The following KCTD1 variants were observed in gnomAD, a reference collection of about 807,000 sequenced individuals.
KCTD1 encodes the protein potassium channel tetramerization domain containing 1, also known as BTB/POZ domain-containing protein KCTD1.
In KCTD1, 24 loss-of-function variants were observed where a neutral mutation model predicts 66.0. That is an observed-to-expected ratio of 0.36 (90% CI 0.26 to 0.51). The LOEUF is 0.51. Among genes scored for constraint, KCTD1 ranks in the 20% least tolerant of loss-of-function variants. KCTD1 has a pLI of 0.95. For synonymous variants in KCTD1, 511 were observed against 517.2 expected, an observed-to-expected ratio of 0.99 and a Z score of 0.16; for missense variants, 943 against 1,205.2, an observed-to-expected ratio of 0.78 and a Z score of 3.22.
intron 2 of KCTD1, among the ~76,000 whole-genome samples, chr18:26,486,218 A>C (rs75689105): frequency 0.031 from 4,686 of 152,266 alleles, 113 homozygotes; most frequent in Middle Eastern, 0.071. Flanking sequence ...GCCCTGATTT[A>C]ATCTTATTGC....
chr18:26,549,050 G>C, upstream of KCTD1: 1 of 985,184 alleles, frequency 1.0e-6, no homozygotes, highest in Non-Finnish European at 1.2e-6. Flanking sequence ...CGGCTGCGCC[G>C]GGCGGGCCGC....
chr18:26,488,608 C>T (rs1339837484), intron 2 of KCTD1, among the ~76,000 whole-genome samples: 1 of 152,174 alleles, frequency 6.6e-6, no homozygotes, highest in African/African-American at 2.4e-5. Context: ...CTCAAATTCA[C>T]CCTTCAGCTA....
chr18:26,536,178 G>T (rs1197365249), intron 1 of KCTD1, among the ~76,000 whole-genome samples: 1 of 152,108 alleles, frequency 6.6e-6, no homozygotes, highest in Non-Finnish European at 1.5e-5. Flanking sequence ...ATGAAACCAC[G>T]CTGGGCTCCA....
At chr18:26,473,438 T>A (rs1981175151) in intron 3 of KCTD1, among the ~76,000 whole-genome samples, 1 of 151,978 alleles carries the variant, frequency 6.6e-6, no homozygotes, top group Non-Finnish European at 1.5e-5. Context: ...AGCATTAGGA[T>A]AAATAACTAA....
intron 3 of KCTD1, among the ~76,000 whole-genome samples, chr18:26,470,405 C>T (rs80239114): frequency 0.019 from 2,930 of 152,294 alleles, 44 homozygotes; most frequent in Non-Finnish European, 0.031. Flanking sequence ...AGCTGTCTGT[C>T]CCTTTATCCT....
upstream of KCTD1, chr18:26,548,841 A>C: frequency 9.7e-7 from 1 of 1,028,410 alleles, no homozygotes; most frequent in Non-Finnish European, 1.2e-6. Context: ...GGAAAAAAAA[A>C]AGGAAAGGGA....
intron 1 of KCTD1, chr18:26,566,830 T>TAAAAAAAAAAAAAAAA (rs56100093): frequency 8.7e-6 from 1 of 114,378 alleles, no homozygotes; most frequent in Non-Finnish European, 1.7e-5. Flanking sequence ...AGGCAAGATC[T>TAAAAAAAAAAAAAAAA]AAAAAAAAAA....
At chr18:26,581,009 G>A (rs1986340680) in intron 1 of KCTD1, among the ~76,000 whole-genome samples, 1 of 152,188 alleles carries the variant, frequency 6.6e-6, no homozygotes, top group South Asian at 2.1e-4. Context: ...ATAAGACAAA[G>A]TCTGTTGACC....
intron 1 of KCTD1, among the ~76,000 whole-genome samples, chr18:26,625,254 T>C (rs149841276): frequency 2.6e-5 from 4 of 152,128 alleles, no homozygotes; most frequent in Admixed American, 1.3e-4. Context: ...CGATTGTGTT[T>C]TGAAATGTAA....
At chr18:26,478,433 T>C (rs1981459067) in intron 2 of KCTD1, among the ~76,000 whole-genome samples, 1 of 152,162 alleles carries the variant, frequency 6.6e-6, no homozygotes, top group South Asian at 2.1e-4. Context: ...TGGTCTAGAG[T>C]TTTATTTCTG....
At chr18:26,523,133 G>A (rs1446526888) in intron 1 of KCTD1, among the ~76,000 whole-genome samples, 1 of 152,086 alleles carries the variant, frequency 6.6e-6, no homozygotes, top group Non-Finnish European at 1.5e-5. Context: ...ATGAGAAACC[G>A]TGGCGCTAGA....
intron 1 of KCTD1, among the ~76,000 whole-genome samples, chr18:26,638,604 T>G (rs1364722624): frequency 1.3e-5 from 2 of 152,206 alleles, no homozygotes; most frequent in Non-Finnish European, 2.9e-5. Context: ...TTCGTATTGG[T>G]CACAGAGGCT....
intron 1 of KCTD1, among the ~76,000 whole-genome samples, chr18:26,656,751 G>GGCGCCGCCGCCCCCTGC (rs1568023279): frequency 6.6e-6 from 1 of 151,198 alleles, no homozygotes; most frequent in African/African-American, 2.4e-5. Flanking sequence ...CGCAGCCCCG[G>GGCGCCGCCGCCCCCTGC]GCGCCGCCGC....
At chr18:26,494,780 C>T (rs1982382744) in intron 2 of KCTD1, among the ~76,000 whole-genome samples, 1 of 152,256 alleles carries the variant, frequency 6.6e-6, no homozygotes, top group Non-Finnish European at 1.5e-5. Context: ...TGCTTTCCCC[C>T]CTTTTAAGTT....
chr18:26,565,618 A>G (rs1267697986), intron 1 of KCTD1: 2 of 152,002 alleles, frequency 1.3e-5, no homozygotes, highest in South Asian at 2.1e-4. Flanking sequence ...ACTTTTCTGG[A>G]TGAATTAGAC....
At chr18:26,564,270 G>A (rs1201167721) in intron 1 of KCTD1, among the ~76,000 whole-genome samples, 1 of 152,132 alleles carries the variant, frequency 6.6e-6, no homozygotes, top group Non-Finnish European at 1.5e-5. Flanking sequence ...GTGTAAGCTT[G>A]AGCAAGTCAC....
intron 1 of KCTD1, chr18:26,544,189 C>T (rs937920984): frequency 4.6e-5 from 7 of 152,130 alleles, no homozygotes; most frequent in African/African-American, 1.4e-4. Context: ...AAAGAGTGGA[C>T]CAGTTAAAGC....
chr18:26,455,100 A>G lies in KCTD1; in HGVS notation c.*643T>C, dbSNP rs951553777. ...TTCTGGCCCCTTGGCAAAACTGATCAGTTTTAAAACAAAGTAAAGTTCACA... is the reference window on the plus strand; with the variant it reads ...TTCTGGCCCCTTGGCAAAACTGATCGGTTTTAAAACAAAGTAAAGTTCACA... On this transcript the variant is annotated 3_prime_UTR_variant, in exon 5 of 5. Transcript: ENST00000580059. The G allele has an allele frequency of 3.3e-5, 5 of 152,664 alleles. No individual in the cohort carries two copies. The highest frequency in any genetic ancestry group is 1.5e-5 in the Non-Finnish European group (1 of 68,050). 9.5% of individuals were successfully genotyped at this position (152,664 alleles called of 1,614,324 possible). A position where few individuals can be genotyped will look rare whatever the true frequency, so the allele number is the denominator to read the frequency against.
chr18:26,469,380 T>C (rs567402595), intron 3 of KCTD1, among the ~76,000 whole-genome samples: 9 of 152,232 alleles, frequency 5.9e-5, no homozygotes, highest in African/African-American at 2.2e-4. Context: ...GAACTCCGTG[T>C]GGAAGTTTTT....
Sources: gnomAD v4.1 joint callset for allele counts (sites outside exome capture counted in the v4.1 genomes callset) on GRCh38, gnomAD v4.1.1 for gene constraint, MANE v1.5 for transcripts, NCBI Gene and HGNC (gene_info 2026-07-23, HGNC 2026-07-21) for gene names.